The following CNTNAP4 variants were observed in gnomAD, a reference collection of about 807,000 sequenced individuals.
The protein encoded by CNTNAP4 is contactin-associated protein-like 4.
Under a neutral mutation model 148.4 loss-of-function variants are expected in CNTNAP4, and 98 were observed. That is an observed-to-expected ratio of 0.66 (90% CI 0.56 to 0.78). The LOEUF (loss-of-function observed/expected upper bound fraction) is 0.78, where lower values mean the gene tolerates loss of function less well. Among genes scored for constraint, CNTNAP4 ranks in the 30% least tolerant of loss-of-function variants. The pLI, the probability that CNTNAP4 is intolerant of heterozygous loss-of-function variation, is 0.00. For synonymous variants in CNTNAP4, 730 were observed against 565.1 expected, an observed-to-expected ratio of 1.29 and a Z score of -4.14; for missense variants, 1,935 against 1,565.6, an observed-to-expected ratio of 1.24 and a Z score of -3.98.
intron 1 of CNTNAP4, among the ~76,000 whole-genome samples, chr16:76,303,216 A>C (rs972883709): frequency 1.3e-5 from 2 of 152,022 alleles, no homozygotes; most frequent in Admixed American, 6.6e-5. Context: ...TTTTTCCCTT[A>C]GTGAGAAATA....
intron 3 of CNTNAP4, among the ~76,000 whole-genome samples, chr16:76,384,326 G>A (rs2016296928): frequency 6.6e-6 from 1 of 152,116 alleles, no homozygotes; most frequent in Non-Finnish European, 1.5e-5. Flanking sequence ...ACAGGCTTGA[G>A]CCACCGCGCC....
intron 4 of CNTNAP4, among the ~76,000 whole-genome samples, chr16:76,436,577 C>G (rs1047043799): frequency 2.6e-5 from 4 of 152,130 alleles, no homozygotes; most frequent in African/African-American, 7.2e-5. Context: ...GACAGAATCC[C>G]TGAGTTCATC....
intron 12 of CNTNAP4, among the ~76,000 whole-genome samples, chr16:76,483,912 G>A (rs981390423): frequency 2.0e-5 from 3 of 151,954 alleles, no homozygotes; most frequent in Admixed American, 6.6e-5. Flanking sequence ...GATGAATATC[G>A]ACTATATATC....
At chr16:76,309,903 A>C (rs1567653239) in intron 1 of CNTNAP4, 1 of 701,834 alleles carries the variant, frequency 1.4e-6, no homozygotes, top group East Asian at 2.7e-5. Context: ...AGCTATGTGG[A>C]ACTGTGAGTC....
intron 1 of CNTNAP4, among the ~76,000 whole-genome samples, chr16:76,282,315 T>A (rs1341103552): frequency 6.6e-6 from 1 of 151,924 alleles, no homozygotes; most frequent in Non-Finnish European, 1.5e-5. Context: ...TCTCAAGTGG[T>A]CTTGTTAGGA....
intron 4 of CNTNAP4, among the ~76,000 whole-genome samples, chr16:76,440,352 TTC>T (rs1282316262): frequency 6.6e-6 from 1 of 152,128 alleles, no homozygotes; most frequent in African/African-American, 2.4e-5. Context: ...ATTCCAATTT[TTC>T]TCTTTTAAGT....
chr16:76,364,867 T>C (rs534040525), intron 3 of CNTNAP4, among the ~76,000 whole-genome samples: 34 of 152,222 alleles, frequency 2.2e-4, no homozygotes, highest in Non-Finnish European at 4.3e-4. Flanking sequence ...GTGCAGAAGC[T>C]CTCTAGTTTA....
chr16:76,529,077 C>T (rs146817110), intron 17 of CNTNAP4, among the ~76,000 whole-genome samples: 6 of 152,318 alleles, frequency 3.9e-5, no homozygotes, highest in Non-Finnish European at 8.8e-5. Flanking sequence ...TGAGCAGCAA[C>T]GCAATGAACA....
intron 2 of CNTNAP4, among the ~76,000 whole-genome samples, chr16:76,334,544 T>C (rs1963855135): frequency 6.6e-6 from 1 of 152,170 alleles, no homozygotes; most frequent in African/African-American, 2.4e-5. Flanking sequence ...CAGTTAAACT[T>C]TTCTAGATAA....
chr16:76,309,282 C>T (rs555543045), intron 1 of CNTNAP4, among the ~76,000 whole-genome samples: 12 of 151,844 alleles, frequency 7.9e-5, no homozygotes, highest in Non-Finnish European at 1.8e-4. Context: ...ATAAATGATG[C>T]CCACCCAAAG....
At chr16:76,439,400 C>G (rs1302996473) in intron 4 of CNTNAP4, among the ~76,000 whole-genome samples, 1 of 152,040 alleles carries the variant, frequency 6.6e-6, no homozygotes, top group African/African-American at 2.4e-5. Context: ...TCCATTTGAT[C>G]CCTCTAGCAT....
intron 2 of CNTNAP4, among the ~76,000 whole-genome samples, chr16:76,329,051 A>G (rs960052392): frequency 1.3e-5 from 2 of 152,246 alleles, no homozygotes; most frequent in Admixed American, 1.3e-4. Context: ...AAAGTTTGTT[A>G]AAAACACATG....
At chr16:76,555,338 C>G (rs995440696) in intron 23 of CNTNAP4, among the ~76,000 whole-genome samples, 5 of 152,174 alleles carry the variant, frequency 3.3e-5, no homozygotes, top group African/African-American at 1.2e-4. Flanking sequence ...CATTTAATCA[C>G]CAAACATGCA....
At chr16:76,400,110 A>G (rs2078354613) in intron 3 of CNTNAP4, among the ~76,000 whole-genome samples, 1 of 152,216 alleles carries the variant, frequency 6.6e-6, no homozygotes, top group South Asian at 2.1e-4. Flanking sequence ...AACACTTTCA[A>G]GCAGCCTTGT....
At chr16:76,285,974 A>G (rs1958864340) in intron 1 of CNTNAP4, among the ~76,000 whole-genome samples, 1 of 152,026 alleles carries the variant, frequency 6.6e-6, no homozygotes, top group African/African-American at 2.4e-5. Flanking sequence ...AAATCTGAGA[A>G]AGTCAAATTT....
rs181354907 is a variant in CNTNAP4, at chr16:76,530,685, A to G, written c.2756-4860A>G. On this transcript the variant is annotated intron_variant, in intron 17 of 23. Transcript: ENST00000611870. ...TGAATTTTCTTCCCATGACACTGTC[A>G]CTTGCAACAGCTGCCTCTTTGAACC... Among the ~76,000 whole-genome samples the G allele has an allele frequency of 4.6e-3, 704 of 152,290 alleles. 4 individuals are homozygous for G. Among genetic ancestry groups the G allele is most frequent in the African/African-American group, 0.016 (684 of 41,558 alleles).
chr16:76,449,011 C>A, intron 6 of CNTNAP4, 60 bp downstream of exon 6: 1 of 1,484,648 alleles, frequency 6.7e-7, no homozygotes, highest in East Asian at 2.4e-5. Context: ...TTTAATCTCC[C>A]AGAGGAAAAT....
At chr16:76,351,364 A>C (rs1475164416) in intron 2 of CNTNAP4, among the ~76,000 whole-genome samples, 3 of 99,640 alleles carry the variant, frequency 3.0e-5, no homozygotes, top group South Asian at 3.2e-4. Context: ...AGGCTGGCCC[A>C]AAAAAAAAAA....
At chr16:76,548,289 C>G (rs1012432296) in intron 21 of CNTNAP4, among the ~76,000 whole-genome samples, 2 of 141,922 alleles carry the variant, frequency 1.4e-5, no homozygotes, top group African/African-American at 5.2e-5. Context: ...TCTTGATTCA[C>G]TGCACCTTTT....
Sources: gnomAD v4.1 joint callset for allele counts (sites outside exome capture counted in the v4.1 genomes callset) on GRCh38, gnomAD v4.1.1 for gene constraint, MANE v1.5 for transcripts, NCBI Gene and HGNC (gene_info 2026-07-23, HGNC 2026-07-21) for gene names.